The following RAB30 variants were observed in gnomAD, a reference collection of about 807,000 sequenced individuals.
RAB30 encodes the protein RAB30, member RAS oncogene family.
Under a neutral mutation model 25.1 loss-of-function variants are expected in RAB30, and 9 were observed. The observed-to-expected ratio is 0.36, with a 90% CI of 0.22 to 0.63. The LOEUF is 0.63. Among genes scored for constraint, RAB30 ranks in the 20% least tolerant of loss-of-function variants. The pLI is 0.69. For synonymous variants in RAB30, 77 were observed against 86.4 expected (o/e 0.89, Z 0.60); for missense variants, 140 against 243.5 (o/e 0.58, Z 2.83).
At chr11:83,068,413 A>C (rs1437411689) in intron 1 of RAB30, among the ~76,000 whole-genome samples, 1 of 152,136 alleles carries the variant, frequency 6.6e-6, no homozygotes, top group Non-Finnish European at 1.5e-5. Flanking sequence ...TGGTCTCTAC[A>C]CATTCACTCT....
At chr11:83,067,886 G>A (rs985939102) in intron 1 of RAB30, among the ~76,000 whole-genome samples, 6 of 152,144 alleles carry the variant, frequency 3.9e-5, no homozygotes, top group Non-Finnish European at 8.8e-5. Context: ...AGCACTTTGG[G>A]AGGCTGAGGC....
At chr11:82,992,189 C>G (rs116655607) in intron 3 of RAB30, 138 of 388,688 alleles carry the variant, frequency 3.6e-4, no homozygotes, top group African/African-American at 2.7e-3. Flanking sequence ...ACAAAAGGCT[C>G]CTCCCATCAA....
chr11:83,039,291 T>C (rs759013211), intron 1 of RAB30, among the ~76,000 whole-genome samples: 1 of 152,216 alleles, frequency 6.6e-6, no homozygotes, highest in Non-Finnish European at 1.5e-5. Flanking sequence ...TGTCCATCAA[T>C]TTAATTGAGA....
At chr11:83,036,559 G>T (rs775728102) in intron 1 of RAB30, among the ~76,000 whole-genome samples, 3 of 152,144 alleles carry the variant, frequency 2.0e-5, no homozygotes, top group Non-Finnish European at 2.9e-5. Context: ...CACTTTCTAT[G>T]AGCCAGCTAC....
chr11:83,005,614 TA>T (rs1335772063), intron 1 of RAB30, among the ~76,000 whole-genome samples: 4 of 152,110 alleles, frequency 2.6e-5, no homozygotes, highest in Non-Finnish European at 5.9e-5. Flanking sequence ...AGTTTGGATC[TA>T]AAAAACTGAA....
intron 1 of RAB30, among the ~76,000 whole-genome samples, chr11:83,040,298 A>G (rs1431864667): frequency 1.3e-5 from 2 of 152,252 alleles, no homozygotes; most frequent in African/African-American, 4.8e-5. Context: ...ATTGAATAAC[A>G]CTATTTTGGG....
chr11:82,998,688 C>A (rs1202568785), intron 1 of RAB30, among the ~76,000 whole-genome samples: 1 of 149,042 alleles, frequency 6.7e-6, no homozygotes, highest in Non-Finnish European at 1.5e-5. Flanking sequence ...CCCTCAAGAC[C>A]AACATGAGAA....
At chr11:83,060,341 AGAT>A (rs1565292476) in intron 1 of RAB30, among the ~76,000 whole-genome samples, 1 of 152,228 alleles carries the variant, frequency 6.6e-6, no homozygotes, top group Non-Finnish European at 1.5e-5. Flanking sequence ...GATTATCGAT[AGAT>A]GTTAAAACTT....
intron 1 of RAB30, among the ~76,000 whole-genome samples, chr11:83,049,495 T>C (rs1858310252): frequency 6.6e-6 from 1 of 151,428 alleles, no homozygotes; most frequent in Non-Finnish European, 1.5e-5. Context: ...TGTGTTTTTT[T>C]TTTGAGACAG....
chr11:82,990,321 C>A (rs535399679), intron 3 of RAB30, among the ~76,000 whole-genome samples: 1 of 152,222 alleles, frequency 6.6e-6, no homozygotes, highest in South Asian at 2.1e-4. Context: ...ACACAGCACA[C>A]AGCACGTGGT....
chr11:82,978,017 C>T lies in RAB30; in HGVS notation c.*4148G>A, dbSNP rs1392848848. 1 of 152,114 alleles carries T rather than the reference C, an allele frequency of 6.6e-6. No homozygotes were observed. The highest frequency in any genetic ancestry group is 1.5e-5 in the Non-Finnish European group (1 of 68,004). The allele number at this position is 152,114 out of a possible 1,614,324, so 9.4% of individuals were successfully genotyped here. A position where few individuals can be genotyped will look rare whatever the true frequency, so the allele number is the denominator to read the frequency against. On this transcript the variant is annotated 3_prime_UTR_variant, in exon 5 of 5. Coordinates refer to ENST00000527633, the MANE Select transcript of RAB30 (RefSeq NM_001286060.2). Reference sequence around the variant, plus strand: ...AAATCCAAAAAGAAAGTAAAGAAAACATATCCCTCCCTTATCCCAAAATTA... The same window carrying T: ...AAATCCAAAAAGAAAGTAAAGAAAATATATCCCTCCCTTATCCCAAAATTA...
chr11:83,016,570 A>G (rs1250338389), intron 1 of RAB30, among the ~76,000 whole-genome samples: 6 of 152,232 alleles, frequency 3.9e-5, no homozygotes, highest in African/African-American at 1.2e-4. Flanking sequence ...ACAAAGATCT[A>G]TAAGACTTAA....
intron 1 of RAB30, among the ~76,000 whole-genome samples, chr11:83,040,272 T>C (rs144946105): frequency 4.6e-4 from 70 of 152,270 alleles, no homozygotes; most frequent in South Asian, 1.7e-3. Context: ...TTGAATACAG[T>C]ACAGAGAGTG....
At chr11:82,994,192 C>G in intron 2 of RAB30, 70 bp from the exon 3 acceptor site, 1 of 1,278,290 alleles carries the variant, frequency 7.8e-7, no homozygotes, top group East Asian at 2.3e-5. Flanking sequence ...CTCCTCTCCC[C>G]CAGCAACACC....
intron 1 of RAB30, among the ~76,000 whole-genome samples, chr11:83,026,258 G>T (rs1157506448): frequency 6.6e-6 from 1 of 152,202 alleles, no homozygotes; most frequent in African/African-American, 2.4e-5. Context: ...ATAGGGCTGA[G>T]TAGAATAGGA....
chr11:83,051,806 CA>C (rs1858363842), intron 1 of RAB30, among the ~76,000 whole-genome samples: 1 of 152,156 alleles, frequency 6.6e-6, no homozygotes, highest in Non-Finnish European at 1.5e-5. Flanking sequence ...TCTCATCTAG[CA>C]AGTGAGATAC....
intron 1 of RAB30, among the ~76,000 whole-genome samples, chr11:83,051,121 C>T (rs527368513): frequency 2.2e-4 from 34 of 152,206 alleles, no homozygotes; most frequent in South Asian, 2.1e-3. Context: ...ACTTTCAGAC[C>T]TGGCCCATGG....
chr11:82,991,093 G>T (rs373199673), intron 3 of RAB30, among the ~76,000 whole-genome samples: 18 of 152,122 alleles, frequency 1.2e-4, no homozygotes, highest in African/African-American at 4.3e-4. Flanking sequence ...GATGCCATAC[G>T]AATCACTGGT....
At position 82,999,831 on chromosome 11, in the gene RAB30, C is replaced by T. The variant is rs562461795; in HGVS notation, c.-8-2507G>A. ...TACGAAGGTCCTGGGCCTCCCTGCTCTAGGCTCCCACAATGACCTCCTTTC... is the reference window on the plus strand; with the variant it reads ...TACGAAGGTCCTGGGCCTCCCTGCTTTAGGCTCCCACAATGACCTCCTTTC... On this transcript the variant is annotated intron_variant, in intron 1 of 4. Transcript: ENST00000527633. 5.3e-5 allele frequency among the ~76,000 whole-genome samples: 8 copies of T among 152,202 alleles called. No individual in the cohort carries two copies. The East Asian group carries it at 1.5e-3, about 29-fold the overall frequency.
Sources: gnomAD v4.1 joint callset for allele counts (sites outside exome capture counted in the v4.1 genomes callset) on GRCh38, gnomAD v4.1.1 for gene constraint, MANE v1.5 for transcripts, NCBI Gene and HGNC (gene_info 2026-07-23, HGNC 2026-07-21) for gene names.